LPAR6: variants seen among roughly 807,000 people sequenced by gnomAD.
The protein encoded by LPAR6 is G-protein coupled purinergic receptor P2Y5.
In LPAR6, 17 loss-of-function variants were observed where a neutral mutation model predicts 22.0. That is an observed-to-expected ratio of 0.77 (90% CI 0.53 to 1.16). The LOEUF (loss-of-function observed/expected upper bound fraction) is 1.16, where lower values mean the gene tolerates loss of function less well. Ranked by LOEUF, LPAR6 falls within the 50% of genes most tolerant of loss-of-function variation. LPAR6 has a pLI of 0.00. For missense variants in LPAR6, 384 were observed against 406.9 expected (o/e 0.94, Z 0.48); for synonymous variants, 136 against 139.8 (o/e 0.97, Z 0.19).
intron 1 of LPAR6, among the ~76,000 whole-genome samples, chr13:48,393,309 C>T (rs1438075590): frequency 1.3e-5 from 2 of 152,320 alleles, no homozygotes; most frequent in African/African-American, 4.8e-5. Context: ...TTTGCCTTGG[C>T]ATCTCCCATT....
At position 48,399,536 on chromosome 13, in the gene LPAR6, G is replaced by T. The variant is rs143307615; in HGVS notation, n.115-9724C>A. Among the ~76,000 whole-genome samples the T allele has an allele frequency of 2.6e-3, 390 of 152,014 alleles. 1 individual carries two copies. The highest frequency in any genetic ancestry group is 8.9e-3 in the African/African-American group (371 of 41,510). ...ATTAGATGATTGCTTAAAGATCTAG[G>T]AATATAAGCTCAATGTAATAAAATA... On this transcript the variant is annotated intron_variant and non_coding_transcript_variant, in intron 1 of 1. Coordinates refer to the LPAR6 transcript ENST00000462781.
intron 1 of LPAR6, chr13:48,426,693 C>T (rs1949084204): frequency 6.6e-6 from 1 of 152,230 alleles, no homozygotes. Context: ...GGAGCAGGAA[C>T]TCGAATCCTA....
intron 1 of LPAR6, among the ~76,000 whole-genome samples, chr13:48,396,612 A>G (rs903400813): frequency 1.3e-5 from 2 of 152,260 alleles, no homozygotes; most frequent in Admixed American, 1.3e-4. Flanking sequence ...CCAAAACACC[A>G]AAAGCAATGG....
chr13:48,423,544 A>G (rs916174327), intron 1 of LPAR6, among the ~76,000 whole-genome samples: 7 of 152,200 alleles, frequency 4.6e-5, no homozygotes, highest in African/African-American at 1.7e-4. Flanking sequence ...ATTTTTTTCC[A>G]CAATAAGACA....
chr13:48,414,496 TATC>T (rs1243315687), upstream of LPAR6, among the ~76,000 whole-genome samples: 1 of 152,142 alleles, frequency 6.6e-6, no homozygotes, highest in East Asian at 1.9e-4. Context: ...TTGTTTTAAA[TATC>T]ATTTTCTTCA....
At chr13:48,433,756 A>C (rs1177536963) in intron 1 of LPAR6, among the ~76,000 whole-genome samples, 1 of 151,462 alleles carries the variant, frequency 6.6e-6, no homozygotes, top group Non-Finnish European at 1.5e-5. Flanking sequence ...ACTTTCAGTT[A>C]AACTAGACAA....
upstream of LPAR6, chr13:48,417,082 A>G (rs1376843666): frequency 6.6e-6 from 1 of 152,386 alleles, no homozygotes. Context: ...CTGCTAAGGG[A>G]CAGACTGCCT....
chr13:48,407,319 C>T (rs1266730306), downstream of LPAR6, among the ~76,000 whole-genome samples: 2 of 152,062 alleles, frequency 1.3e-5, no homozygotes, highest in Non-Finnish European at 2.9e-5. Context: ...ATTTTCTACC[C>T]TTTTAAGAGG....
chr13:48,419,086 T>G (rs1948963433), intron 2 of LPAR6, among the ~76,000 whole-genome samples: 2 of 152,192 alleles, frequency 1.3e-5, no homozygotes, highest in South Asian at 2.1e-4. Flanking sequence ...AGAATAGACA[T>G]TCTTCTTAGC....
At chr13:48,404,186 CG>C (rs903164569) in intron 1 of LPAR6, 3 of 152,046 alleles carry the variant, frequency 2.0e-5, no homozygotes, top group Non-Finnish European at 1.5e-5. Flanking sequence ...CTTACAGACA[CG>C]GGGCTAGGGT....
upstream of LPAR6, among the ~76,000 whole-genome samples, chr13:48,413,385 G>GA (rs1438535842): frequency 2.0e-5 from 3 of 152,020 alleles, no homozygotes; most frequent in Non-Finnish European, 4.4e-5. Flanking sequence ...ATAATTGAAA[G>GA]AAAAAAATCA....
At chr13:48,416,511 G>A (rs1028333886), upstream of LPAR6, 5 of 153,140 alleles carry the variant, frequency 3.3e-5, no homozygotes, top group African/African-American at 1.2e-4. Flanking sequence ...GCAGCCGTTT[G>A]GGCAGACACC....
At chr13:48,416,723 G>C (rs1409354039), upstream of LPAR6, among the ~76,000 whole-genome samples, 1 of 152,200 alleles carries the variant, frequency 6.6e-6, no homozygotes, top group Non-Finnish European at 1.5e-5. Context: ...GTCTGAAGTC[G>C]ACCTGGGATG....
chr13:48,392,874 T>C (rs905981369), intron 1 of LPAR6, among the ~76,000 whole-genome samples: 10 of 152,318 alleles, frequency 6.6e-5, no homozygotes, highest in Non-Finnish European at 1.5e-4. Flanking sequence ...TATTTTTGTA[T>C]TCCTTTCACT....
chr13:48,392,716 A>G (rs1489403000), intron 1 of LPAR6, among the ~76,000 whole-genome samples: 2 of 150,536 alleles, frequency 1.3e-5, no homozygotes, highest in African/African-American at 4.9e-5. Flanking sequence ...TCTAGTACCT[A>G]TGTCTTTTTA....
upstream of LPAR6, chr13:48,429,520 C>T (rs1046635114): frequency 6.6e-6 from 1 of 152,020 alleles, no homozygotes; most frequent in Non-Finnish European, 1.5e-5. Context: ...TCTGTCCTCA[C>T]CCTGCACATA....
intron 1 of LPAR6, among the ~76,000 whole-genome samples, chr13:48,404,856 A>G (rs1948725912): frequency 6.6e-6 from 1 of 152,150 alleles, no homozygotes; most frequent in Non-Finnish European, 1.5e-5. Context: ...TAATGAGAAA[A>G]TTATAAAAGC....
At position 48,411,751 on chromosome 13, in the gene LPAR6, TTTTG is replaced by T; in HGVS notation, c.669_672del (p.Asn223LysfsTer5). On this transcript the variant is annotated frameshift_variant, in exon 1 of 1. Transcript: ENST00000620633. LOFTEE classifies it high-confidence loss of function. Reference sequence around the variant, plus strand: ...ACAAAAATCATTTTTAAAACCTTAGTTTTGTTTATTTTGCTTCTACTTAATGTAA... The same window carrying T: ...ACAAAAATCATTTTTAAAACCTTAGTTTTATTTTGCTTCTACTTAATGTAA... The T allele has an allele frequency of 4.3e-6, 7 of 1,610,444 alleles. No individual in the cohort carries two copies. The highest frequency in any genetic ancestry group is 5.9e-6 in the Non-Finnish European group (7 of 1,176,850).
At chr13:48,418,939 G>A (rs1220199013) in intron 2 of LPAR6, among the ~76,000 whole-genome samples, 1 of 152,028 alleles carries the variant, frequency 6.6e-6, no homozygotes, top group Non-Finnish European at 1.5e-5. Context: ...AATAATAGTG[G>A]GAGACTTTAA....
Sources: allele counts gnomAD v4.1 joint callset (sites outside exome capture counted in the v4.1 genomes callset), GRCh38; gene constraint gnomAD v4.1.1; transcripts MANE v1.5; gene names NCBI Gene and HGNC (gene_info 2026-07-23, HGNC 2026-07-21).